The following CD2AP variants were observed in gnomAD, a reference collection of about 807,000 sequenced individuals.
CD2AP encodes the protein CD2 associated protein.
CD2AP carries 46 observed loss-of-function variants against 85.1 expected under a neutral mutation model. The ratio of observed to expected loss-of-function variants is 0.54; its 90% CI spans 0.43 to 0.69. CD2AP has a LOEUF of 0.69. CD2AP is among the 30% of genes least tolerant of loss of function. The pLI is 0.00. For missense variants in CD2AP, 769 were observed against 729.5 expected, an observed-to-expected ratio of 1.05 and a Z score of -0.62; for synonymous variants, 255 against 252.9, an observed-to-expected ratio of 1.01 and a Z score of -0.08.
chr6:47,624,123 A>G, intron 17 of CD2AP, 63 bp from the exon 18 acceptor site: 7 of 1,262,654 alleles, frequency 5.5e-6, no homozygotes, highest in Non-Finnish European at 8.1e-6. Flanking sequence ...AATGACATAG[A>G]GTAAAATAAA....
At position 47,544,828 on chromosome 6, in the gene CD2AP, G is replaced by A; in HGVS notation, c.420+122G>A. On this transcript the variant is annotated intron_variant, in intron 4 of 17. Transcript: ENST00000359314. Reference sequence around the variant, plus strand: ...CTGTTGTCACTTTTTAAAAAAAATGGTATAGAGTTTCTTTACTCATCCTTG... The same window carrying A: ...CTGTTGTCACTTTTTAAAAAAAATGATATAGAGTTTCTTTACTCATCCTTG... 4 of 678,518 alleles carry A rather than the reference G, an allele frequency of 5.9e-6. No homozygotes were observed. In the South Asian group the frequency reaches 7.0e-5, roughly 12 times the overall value. The allele number at this position is 678,518 out of a possible 1,614,324, so 42.0% of individuals were successfully genotyped here.
intron 13 of CD2AP, among the ~76,000 whole-genome samples, chr6:47,601,732 A>G (rs780732823): frequency 2.0e-5 from 3 of 151,996 alleles, no homozygotes; most frequent in Non-Finnish European, 4.4e-5. Flanking sequence ...TACAGCCTCA[A>G]ATATAATGTG....
chr6:47,490,351 T>G (rs1169585940), intron 1 of CD2AP, among the ~76,000 whole-genome samples: 1 of 152,206 alleles, frequency 6.6e-6, no homozygotes, highest in Non-Finnish European at 1.5e-5. Context: ...CCAAAAGTTT[T>G]CCTAGAGTTG....
intron 1 of CD2AP, among the ~76,000 whole-genome samples, chr6:47,494,973 A>G (rs888602465): frequency 7.2e-5 from 11 of 152,150 alleles, no homozygotes; most frequent in Admixed American, 6.5e-4. Context: ...AAGTCTGGGC[A>G]GTATAATGAG....
At chr6:47,572,009 G>GC (rs752876460) in intron 5 of CD2AP, among the ~76,000 whole-genome samples, 4 of 152,066 alleles carry the variant, frequency 2.6e-5, no homozygotes, top group Non-Finnish European at 5.9e-5. Flanking sequence ...GTTTTCAGGG[G>GC]CTCTCTGGCA....
chr6:47,559,272 T>C (rs1448366601), intron 5 of CD2AP, among the ~76,000 whole-genome samples: 2 of 151,626 alleles, frequency 1.3e-5, no homozygotes, highest in African/African-American at 4.8e-5. Context: ...TTTTTTTTTT[T>C]TTTAACAGGC....
At chr6:47,602,905 T>TA (rs1402764544) in intron 13 of CD2AP, among the ~76,000 whole-genome samples, 2 of 150,704 alleles carry the variant, frequency 1.3e-5, no homozygotes, top group Non-Finnish European at 3.0e-5. Context: ...GTCTCAAAAA[T>TA]AAACAAAAAA....
intron 1 of CD2AP, among the ~76,000 whole-genome samples, chr6:47,479,371 T>C (rs1019601683): frequency 6.6e-5 from 10 of 152,244 alleles, no homozygotes; most frequent in African/African-American, 2.4e-4. Context: ...GTCCACACTT[T>C]GCTTTGTGGG....
intron 1 of CD2AP, among the ~76,000 whole-genome samples, chr6:47,493,600 G>A (rs1179404010): frequency 2.0e-5 from 3 of 151,856 alleles, no homozygotes; most frequent in Admixed American, 6.6e-5. Context: ...GTGGTTTGGT[G>A]TACCTTATTA....
chr6:47,508,952 C>T (rs1766248618), intron 2 of CD2AP, among the ~76,000 whole-genome samples: 1 of 152,196 alleles, frequency 6.6e-6, no homozygotes, highest in African/African-American at 2.4e-5. Flanking sequence ...TGCAACTTGG[C>T]TGTTGGTGTA....
intron 1 of CD2AP, among the ~76,000 whole-genome samples, chr6:47,489,439 G>T (rs1225148988): frequency 2.0e-5 from 3 of 152,080 alleles, no homozygotes; most frequent in Admixed American, 6.5e-5. Flanking sequence ...GCCTCCCAAA[G>T]TGCTGGGATT....
intron 3 of CD2AP, among the ~76,000 whole-genome samples, chr6:47,540,334 G>A (rs925844616): frequency 2.6e-5 from 4 of 151,816 alleles, no homozygotes; most frequent in African/African-American, 7.3e-5. Context: ...TTGACTTTGT[G>A]CAGTTTGAAA....
intron 5 of CD2AP, among the ~76,000 whole-genome samples, chr6:47,555,295 C>T (rs914485789): frequency 2.6e-5 from 4 of 152,044 alleles, no homozygotes; most frequent in African/African-American, 9.7e-5. Context: ...AAATTTTACC[C>T]CAAAGCTAGA....
rs1481851131 is a variant in CD2AP at position 47,624,452 on chromosome 6, A to G, written c.*225A>G. 2.1e-6 allele frequency: 1 copy of G among 483,736 alleles called. No individual in the cohort carries two copies. Among genetic ancestry groups the G allele is most frequent in the African/African-American group, 1.9e-5 (1 of 51,368 alleles). The allele number at this position is 483,736 out of a possible 1,614,324, so 30.0% of individuals were successfully genotyped here. The stretch of plus-strand genomic sequence containing the variant: ...TATTTCTTAACTGTGCTGGGATTGC[A>G]AACACTTTTTAAAAAATTGTTTGCT... On this transcript the variant is annotated 3_prime_UTR_variant, in exon 18 of 18. Transcript: ENST00000359314.
At chr6:47,539,995 A>G (rs1767163676) in intron 3 of CD2AP, among the ~76,000 whole-genome samples, 1 of 146,506 alleles carries the variant, frequency 6.8e-6, no homozygotes, top group Non-Finnish European at 1.5e-5. Context: ...CCTGAGCAAC[A>G]TGGCAAACCC....
intron 5 of CD2AP, among the ~76,000 whole-genome samples, chr6:47,567,489 C>CT (rs1270300244): frequency 2.6e-5 from 4 of 151,860 alleles, no homozygotes; most frequent in Admixed American, 6.6e-5. Flanking sequence ...TTGTTTGAAG[C>CT]TTTTTTTTCC....
At chr6:47,593,990 T>C (rs1401814510) in intron 11 of CD2AP, among the ~76,000 whole-genome samples, 2 of 152,080 alleles carry the variant, frequency 1.3e-5, no homozygotes, top group Non-Finnish European at 2.9e-5. Context: ...CTATATGTTA[T>C]GAAGAGGCTA....
In CD2AP at chr6:47,478,231, C is replaced by G; in HGVS notation, c.-14C>G. The G allele has an allele frequency of 6.4e-7, 1 of 1,569,888 alleles. No homozygotes were observed. Among genetic ancestry groups the G allele is most frequent in the Non-Finnish European group, 8.6e-7 (1 of 1,158,072 alleles). The stretch of plus-strand genomic sequence containing the variant: ...AGGAGCGGACGTCGGCTTCTCCCCG[C>G]GGGAGCCCCCAGCATGGGTAAGAGA... On this transcript the variant is annotated 5_prime_UTR_variant, in exon 1 of 18. Coordinates refer to ENST00000359314, the MANE Select transcript of CD2AP (RefSeq NM_012120.3).
chr6:47,601,181 G>GT (rs1197104509), intron 13 of CD2AP, among the ~76,000 whole-genome samples: 3 of 151,860 alleles, frequency 2.0e-5, no homozygotes, highest in Middle Eastern at 3.4e-3. Context: ...GGAAAGTTCT[G>GT]TTTTTACTTG....
Sources: gnomAD v4.1 joint callset for allele counts (sites outside exome capture counted in the v4.1 genomes callset) on GRCh38, gnomAD v4.1.1 for gene constraint, MANE v1.5 for transcripts, NCBI Gene and HGNC (gene_info 2026-07-23, HGNC 2026-07-21) for gene names.